Variants in PCDHGA5 observed in about 807,000 individuals in gnomAD.
The protein encoded by PCDHGA5 is protocadherin gamma subfamily A, 5, also known as protocadherin gamma-A5.
A neutral mutation model predicts 56.7 loss-of-function variants in PCDHGA5; 36 were observed. That is an observed-to-expected ratio of 0.64 (90% CI 0.49 to 0.84). The LOEUF (loss-of-function observed/expected upper bound fraction) is 0.84, where lower values mean the gene tolerates loss of function less well. Among genes scored for constraint, PCDHGA5 ranks in the 40% least tolerant of loss-of-function variants. The probability of loss-of-function intolerance (pLI) is 0.00; values close to 1 mark genes in which losing one functional copy is unlikely to be tolerated. For synonymous variants in PCDHGA5, 563 were observed against 520.2 expected, an observed-to-expected ratio of 1.08 and a Z score of -1.12; for missense variants, 1,305 against 1,201.5, an observed-to-expected ratio of 1.09 and a Z score of -1.27.
rs376221362 is a variant in PCDHGA5, at chr5:141,389,239, A to G, written c.2421+22488A>G. 8.2e-5 allele frequency: 132 copies of G among 1,614,008 alleles called. No homozygotes were observed. The highest frequency in any genetic ancestry group is 6.6e-4 in the Middle Eastern group (4 of 6,062). ...AATGACAACGCTCCGGTTTTCTCAC[A>G]GTCTTCCTATATAGTCCACGTGGCC... On this transcript the variant is annotated intron_variant, in intron 1 of 3. Coordinates refer to ENST00000518069, the MANE Select transcript of PCDHGA5 (RefSeq NM_018918.3).
At chr5:141,478,862 C>A in intron 1 of PCDHGA5, 1 of 1,326,032 alleles carries the variant, frequency 7.5e-7, no homozygotes, top group Non-Finnish European at 1.0e-6. Context: ...AAGATCTCAG[C>A]GATCAGAGTT....
intron 1 of PCDHGA5, chr5:141,426,591 A>G: frequency 1.4e-5 from 5 of 369,676 alleles, no homozygotes; most frequent in South Asian, 7.9e-5. Context: ...CCTCTGTGTC[A>G]TACCCTTAGA....
At chr5:141,437,032 C>T (rs2097859215) in intron 1 of PCDHGA5, among the ~76,000 whole-genome samples, 1 of 152,182 alleles carries the variant, frequency 6.6e-6, no homozygotes, top group Admixed American at 6.5e-5. Context: ...GAAAATGGAT[C>T]ACCGAAACCA....
At chr5:141,383,300 T>C in intron 1 of PCDHGA5, 1 of 1,613,968 alleles carries the variant, frequency 6.2e-7, no homozygotes, top group Non-Finnish European at 8.5e-7. Context: ...CCAAGATTCT[T>C]GACGGAAGAA....
At chr5:141,376,974 A>T (rs1055212132) in intron 1 of PCDHGA5, 1 of 158,030 alleles carries the variant, frequency 6.3e-6, no homozygotes, top group Non-Finnish European at 1.4e-5. Context: ...GGCGTGAGCC[A>T]CCGCGCCCGG....
At position 141,427,736 on chromosome 5, in the gene PCDHGA5, A is replaced by G. The variant is rs781594851; in HGVS notation, c.2421+60985A>G. 3.3e-6 allele frequency: 4 copies of G among 1,214,562 alleles called. No individual in the cohort carries two copies. In the South Asian group the frequency reaches 4.9e-5, roughly 15 times the overall value. The allele number at this position is 1,214,562 out of a possible 1,614,324, so 75.2% of individuals were successfully genotyped here. ...ACCTGGACCTAGGGCTGAATGGCCA[A>G]GTCTCCTACTCCATCGTTACCACTG... On this transcript the variant is annotated intron_variant, in intron 1 of 3. Coordinates refer to ENST00000518069, the MANE Select transcript of PCDHGA5 (RefSeq NM_018918.3).
At chr5:141,454,665 CA>C (rs2098795764) in intron 1 of PCDHGA5, among the ~76,000 whole-genome samples, 3 of 152,058 alleles carry the variant, frequency 2.0e-5, no homozygotes, top group Non-Finnish European at 4.4e-5. Flanking sequence ...CTCGGCCTCC[CA>C]AAACACTGGG....
intron 1 of PCDHGA5, chr5:141,384,982 G>A: frequency 6.2e-7 from 1 of 1,614,144 alleles, no homozygotes; most frequent in South Asian, 1.1e-5. Context: ...GTACCTGGTG[G>A]TGGCGGTGGC....
At chr5:141,410,117 C>T (rs768592770) in intron 1 of PCDHGA5, 6 of 1,612,766 alleles carry the variant, frequency 3.7e-6, no homozygotes, top group Admixed American at 3.3e-5. Context: ...GGACGCAGCC[C>T]GCCAGCGCCT....
chr5:141,394,393 A>G lies in PCDHGA5; in HGVS notation c.2421+27642A>G, dbSNP rs201461446. ...TCTTTCGACTATGAGCAGATCCGAG[A>G]CCTGCAGCTACTGGTAACAGCCAGC... On this transcript the variant is annotated intron_variant, in intron 1 of 3. Coordinates refer to ENST00000518069, the MANE Select transcript of PCDHGA5 (RefSeq NM_018918.3). The G allele has an allele frequency of 4.3e-4, 696 of 1,614,048 alleles. No individual in the cohort carries two copies. The highest frequency in any genetic ancestry group is 5.7e-4 in the Non-Finnish European group (671 of 1,180,036).
intron 1 of PCDHGA5, among the ~76,000 whole-genome samples, chr5:141,437,331 A>G (rs2097876062): frequency 6.6e-6 from 1 of 152,244 alleles, no homozygotes; most frequent in Non-Finnish European, 1.5e-5. Context: ...TAAAATTTGT[A>G]GCTTCACTGT....
chr5:141,400,254 G>T, intron 1 of PCDHGA5: 1 of 1,613,980 alleles, frequency 6.2e-7, no homozygotes, highest in Non-Finnish European at 8.5e-7. Flanking sequence ...CCGTTGCCTT[G>T]CGCCTGCGAC....
chr5:141,375,128 G>C (rs372521976), intron 1 of PCDHGA5: 1 of 1,613,780 alleles, frequency 6.2e-7, no homozygotes, highest in Non-Finnish European at 8.5e-7. Flanking sequence ...AGAAGTGGTT[G>C]TTACATCTGG....
chr5:141,396,042 A>G (rs2093337325), intron 1 of PCDHGA5: 2 of 152,260 alleles, frequency 1.3e-5, no homozygotes, highest in Non-Finnish European at 2.9e-5. Context: ...ACATATTTCA[A>G]TACAATTCCA....
At chr5:141,394,064 C>G in intron 1 of PCDHGA5, 7 of 1,613,776 alleles carry the variant, frequency 4.3e-6, no homozygotes, top group Non-Finnish European at 5.9e-6. Flanking sequence ...ATGTCTCTAT[C>G]TACAATATCA....
In PCDHGA5 at chr5:141,461,830, C is replaced by CT. The variant is rs1030113508; in HGVS notation, c.2422-32967dup. On this transcript the variant is annotated intron_variant, in intron 1 of 3. Transcript: ENST00000518069. Reference sequence around the variant, plus strand: ...CACCACACCCAGCTAATTTTTTTTTCTTTTTTTTTTGAGACAGAGTTTTGC... The same window carrying CT: ...CACCACACCCAGCTAATTTTTTTTTCTTTTTTTTTTTGAGACAGAGTTTTGC... Among the ~76,000 whole-genome samples, 192 of 145,246 alleles carry CT rather than the reference C, an allele frequency of 1.3e-3. 1 individual carries two copies. In the Middle Eastern group the frequency reaches 0.022, roughly 16 times the overall value.
At chr5:141,484,061 G>A (rs570687480) in intron 1 of PCDHGA5, among the ~76,000 whole-genome samples, 8 of 152,124 alleles carry the variant, frequency 5.3e-5, no homozygotes, top group Non-Finnish European at 1.0e-4. Context: ...CTGGGGCTAA[G>A]TGAAAAGCTT....
intron 3 of PCDHGA5, 43 bp from the exon 4 acceptor site, chr5:141,510,903 GA>G: frequency 6.2e-7 from 1 of 1,613,454 alleles, no homozygotes; most frequent in Non-Finnish European, 8.5e-7. Flanking sequence ...GACTGTTGAG[GA>G]CCCTAAGTTT....
chr5:141,420,364 A>G (rs942479456), intron 1 of PCDHGA5: 8 of 1,368,440 alleles, frequency 5.8e-6, no homozygotes, highest in African/African-American at 3.0e-5. Flanking sequence ...ATTCTAGATA[A>G]CTTCTTCATA....
Sources: gnomAD v4.1 joint callset for allele counts (sites outside exome capture counted in the v4.1 genomes callset) on GRCh38, gnomAD v4.1.1 for gene constraint, MANE v1.5 for transcripts, NCBI Gene and HGNC (gene_info 2026-07-23, HGNC 2026-07-21) for gene names.